The following MEX3D variants were observed in gnomAD, a reference collection of about 807,000 sequenced individuals.
MEX3D encodes the protein RNA-binding protein MEX3D.
A neutral mutation model predicts 6.3 loss-of-function variants in MEX3D; 4 were observed. The observed-to-expected ratio is 0.64, with a 90% CI of 0.31 to 1.46. The LOEUF (loss-of-function observed/expected upper bound fraction) is 1.46. Ranked by LOEUF, MEX3D falls within the 40% of genes most tolerant of loss-of-function variation. MEX3D has a pLI of 0.07. For synonymous variants in MEX3D, 626 were observed against 494.1 expected, an observed-to-expected ratio of 1.27 and a Z score of -3.54; for missense variants, 1,038 against 994.4, an observed-to-expected ratio of 1.04 and a Z score of -0.59.
rs1568262906 is a variant in MEX3D at position 1,555,387 on chromosome 19, C to CGCCTGA, written c.*170_*175dup. On this transcript the variant is annotated 3_prime_UTR_variant, in exon 2 of 2. Coordinates refer to ENST00000402693, the MANE Select transcript of MEX3D (RefSeq NM_203304.4). The stretch of plus-strand genomic sequence containing the variant: ...CCGGGCTGCGGGGTCTCCGTCTCCA[C>CGCCTGA]GCCTGAGGCGGCAGTTAAAGCTCAT... The CGCCTGA allele has an allele frequency of 1.9e-5, 31 of 1,600,202 alleles. No individual in the cohort carries two copies. The highest frequency in any genetic ancestry group is 2.6e-5 in the Non-Finnish European group (31 of 1,173,174).
At position 1,567,867 on chromosome 19, in the gene MEX3D, G is replaced by A; in HGVS notation, c.192C>T (p.Asp64=). Residue 64 remains aspartate (D), a synonymous_variant, in exon 1 of 2, where the codon GAC becomes GAT. Coordinates refer to ENST00000402693, the MANE Select transcript of MEX3D (RefSeq NM_203304.4). The surrounding 1 kb of genome is among the most constrained non-coding windows in gnomAD (Gnocchi z 6.5). Reference sequence around the variant, plus strand: ...CCCCCAGCCCGAGCGCCGACAGCTGGTCCAGCGCCAGGCGGAGCGCGGCGG... The same window carrying A: ...CCCCCAGCCCGAGCGCCGACAGCTGATCCAGCGCCAGGCGGAGCGCGGCGG... ...DAAAALRLAL[D]QLSALGLGGA... is the part of the protein sequence containing the mutation. 1 of 990,796 alleles carries A rather than the reference G, an allele frequency of 1.0e-6. No individual in the cohort carries two copies. Among genetic ancestry groups the A allele is most frequent in the Non-Finnish European group, 1.2e-6 (1 of 835,948 alleles). The allele number at this position is 990,796 out of a possible 1,614,324, so 61.4% of individuals were successfully genotyped here.
At position 1,555,818 on chromosome 19, in the gene MEX3D, G is replaced by A. The variant is rs1599321418; in HGVS notation, c.1701C>T (p.Ser567=). The A allele has an allele frequency of 4.4e-6, 6 of 1,368,364 alleles. No homozygotes were observed. Among genetic ancestry groups the A allele is most frequent in the Non-Finnish European group, 4.7e-6 (5 of 1,069,302 alleles). The allele number at this position is 1,368,364 out of a possible 1,614,324, so 84.8% of individuals were successfully genotyped here. ...AFSTATSLPS[S]PAAAACAPLD... ...GGGGGGCGCAGGCGGCGGCCGCGGG[G>A]CTGCTGGGCAGCGAGGTGGCCGTGG... Residue 567 remains serine, a synonymous_variant, in exon 2 of 2, where the codon AGC becomes AGT. Transcript: ENST00000402693.
chr19:1,554,853 C>T lies in MEX3D; in HGVS notation c.*710G>A, dbSNP rs1914464886. The T allele has an allele frequency of 6.8e-6, 1 of 147,670 alleles. No homozygotes were observed. The highest frequency in any genetic ancestry group is 2.5e-5 in the African/African-American group (1 of 39,768). The allele number at this position is 147,670 out of a possible 1,614,324, so 9.1% of individuals were successfully genotyped here. A position where few individuals can be genotyped will look rare whatever the true frequency, so the allele number is the denominator to read the frequency against. ...ATATTTTAGTTCTTAAAATTTATTCCATAAAGTACATATTTCCCTATAAAT... is the reference window on the plus strand; with the variant it reads ...ATATTTTAGTTCTTAAAATTTATTCTATAAAGTACATATTTCCCTATAAAT... On this transcript the variant is annotated 3_prime_UTR_variant, in exon 2 of 2. Transcript: ENST00000402693.
At position 1,555,181 on chromosome 19, in the gene MEX3D, C is replaced by G. The variant is rs1184520256; in HGVS notation, c.*382G>C. The G allele has an allele frequency of 1.3e-6, 1 of 757,402 alleles. No individual in the cohort carries two copies. Among genetic ancestry groups the G allele is most frequent in the African/African-American group, 1.9e-5 (1 of 53,040 alleles). 46.9% of individuals were successfully genotyped at this position (757,402 alleles called of 1,614,324 possible). On this transcript the variant is annotated 3_prime_UTR_variant, in exon 2 of 2. Coordinates refer to ENST00000402693, the MANE Select transcript of MEX3D (RefSeq NM_203304.4). ...AGTCAAATCAGAAAACGGCTTCGGA[C>G]GAAAGGAAAAAACGCTGAGCGCTGG...
chr19:1,555,344 T>A lies in MEX3D; in HGVS notation c.*219A>T, dbSNP rs756881276. The stretch of plus-strand genomic sequence containing the variant: ...TAACCTGACCACTCAATACTGTCGT[T>A]GAAGGGCTGAGGCGCCGCCGGGCTG... On this transcript the variant is annotated 3_prime_UTR_variant, in exon 2 of 2. Coordinates refer to ENST00000402693, the MANE Select transcript of MEX3D (RefSeq NM_203304.4). 18 of 1,600,454 alleles carry A rather than the reference T, an allele frequency of 1.1e-5. No individual in the cohort carries two copies. The South Asian group carries it at 1.9e-4, about 17-fold the overall frequency.
chr19:1,557,000 C>T lies in MEX3D; in HGVS notation c.596-77G>A. On this transcript the variant is annotated intron_variant, in intron 1 of 1. Transcript: ENST00000402693. The surrounding 1 kb of genome is among the most constrained non-coding windows in gnomAD (Gnocchi z 7.5). ...TCAGCCCCGCTGGGCATGCAGGCTG[C>T]AGGGCCAGTGAGGGAGCCCCTACCT... 1 of 1,496,778 alleles carries T rather than the reference C, an allele frequency of 6.7e-7. No individual in the cohort carries two copies. The highest frequency in any genetic ancestry group is 8.9e-7 in the Non-Finnish European group (1 of 1,126,340). The allele number at this position is 1,496,778 out of a possible 1,614,324, so 92.7% of individuals were successfully genotyped here. A position where few individuals can be genotyped will look rare whatever the true frequency, so the allele number is the denominator to read the frequency against.
rs374433022 is a variant in MEX3D, at chr19:1,556,517, G to A, written c.1002C>T (p.Ile334=). 1.9e-6 allele frequency: 3 copies of A among 1,605,894 alleles called. No homozygotes were observed. The highest frequency in any genetic ancestry group is 1.1e-5 in the South Asian group (1 of 90,884). Reference sequence around the variant, plus strand: ...CAGTGCGCAGCGTGATGTGCGCCTCGATCTCCTCGCGCGCGCGGTCCACGT... The same window carrying A: ...CAGTGCGCAGCGTGATGTGCGCCTCAATCTCCTCGCGCGCGCGGTCCACGT... The part of the protein sequence containing the change: ...PENVDRAREE[I]EAHITLRTGA... The change falls in exon 2 of 2, where the codon ATC becomes ATT. Residue 334 remains isoleucine, a synonymous_variant. Transcript: ENST00000402693. The surrounding 1 kb of genome is among the most constrained non-coding windows in gnomAD (Gnocchi z 7.5).
At position 1,555,334 on chromosome 19, in the gene MEX3D, ATAC is replaced by A; in HGVS notation, c.*226_*228del. The A allele has an allele frequency of 6.2e-7, 1 of 1,600,376 alleles. No homozygotes were observed. Among genetic ancestry groups the A allele is most frequent in the East Asian group, 2.3e-5 (1 of 43,476 alleles). On this transcript the variant is annotated 3_prime_UTR_variant, in exon 2 of 2. Transcript: ENST00000402693. ...CGGTTTATTGTAACCTGACCACTCA[ATAC>A]TGTCGTTGAAGGGCTGAGGCGCCGC...
At position 1,555,124 on chromosome 19, in the gene MEX3D, G is replaced by A; in HGVS notation, c.*439C>T. The A allele has an allele frequency of 2.9e-6, 1 of 340,418 alleles. No homozygotes were observed. Among genetic ancestry groups the A allele is most frequent in the Middle Eastern group, 1.1e-3 (1 of 880 alleles). 21.1% of individuals were successfully genotyped at this position (340,418 alleles called of 1,614,324 possible). On this transcript the variant is annotated 3_prime_UTR_variant, in exon 2 of 2. Transcript: ENST00000402693. ...AAATGTCACCCTCCTCCTCTGGAAC[G>A]TCTGTGCGGCCTGAGACCGGCCGGC...
chr19:1,555,877 C>T lies in MEX3D; in HGVS notation c.1642G>A (p.Gly548Ser), dbSNP rs1403043696. 6.9e-6 allele frequency: 9 copies of T among 1,302,966 alleles called. No homozygotes were observed. Among genetic ancestry groups the T allele is most frequent in the Non-Finnish European group, 7.8e-6 (8 of 1,028,710 alleles). The allele number at this position is 1,302,966 out of a possible 1,614,324, so 80.7% of individuals were successfully genotyped here. The stretch of plus-strand genomic sequence containing the variant: ...GCGCCGCCTGGGAAGGATACGGGGC[C>T]CTGCGGGGGTCGCCAGGACAGCGCG... ...VGALSWRPPQ[G>S]PVSFPGGAAF... Residue 548 changes from glycine to serine, a missense_variant, in exon 2 of 2, where the codon GGC becomes AGC. Physicochemically the swap from Gly to Ser is moderately conservative, Grantham distance 56 (BLOSUM62 0). Coordinates refer to ENST00000402693, the MANE Select transcript of MEX3D (RefSeq NM_203304.4).
Position 1,567,519 on chromosome 19 carries a change from G to T in MEX3D, c.540C>A (p.Thr180=). 6.4e-7 allele frequency: 1 copy of T among 1,569,688 alleles called. No individual in the cohort carries two copies. ...IGSRKKSVNM[T]ECVPVPSSEH... Reference sequence around the variant, plus strand: ...CGGAGCTGGGCACCGGGACGCACTCGGTCATGTTGACGCTTTTCTTGCGGC... The same window carrying T: ...CGGAGCTGGGCACCGGGACGCACTCTGTCATGTTGACGCTTTTCTTGCGGC... Residue 180 remains threonine, a synonymous_variant, in exon 1 of 2, where the codon ACC becomes ACA. Coordinates refer to ENST00000402693, the MANE Select transcript of MEX3D (RefSeq NM_203304.4). This position sits in a 1 kb window ranked among gnomAD's most constrained non-coding sequence, Gnocchi z 6.5.
intron 1 of MEX3D, among the ~76,000 whole-genome samples, chr19:1,566,018 T>C (rs1914829952): frequency 6.6e-6 from 1 of 152,224 alleles, no homozygotes; most frequent in Admixed American, 6.5e-5. Context: ...TCCCCAGGCC[T>C]CGGCTTGGAC....
Position 1,567,771 on chromosome 19 carries a change from C to T in MEX3D, c.288G>A (p.Gly96=), listed in dbSNP as rs1208638691. Residue 96 remains glycine, a synonymous_variant, in exon 1 of 2, where the codon GGG becomes GGA. Transcript: ENST00000402693. This position sits in a 1 kb window ranked among gnomAD's most constrained non-coding sequence, Gnocchi z 6.5. ...GAAAAGGADG[G]AAPEPVPPDG... is the part of the protein sequence containing the mutation. ...CGGGGGGCACAGGCTCCGGAGCCGC[C>T]CCGCCGTCCGCGCCCCCCGCCGCCG... 2 of 960,172 alleles carry T rather than the reference C, an allele frequency of 2.1e-6. No individual in the cohort carries two copies. Among genetic ancestry groups the T allele is most frequent in the Non-Finnish European group, 2.5e-6 (2 of 805,682 alleles). The allele number at this position is 960,172 out of a possible 1,614,324, so 59.5% of individuals were successfully genotyped here.
Position 1,555,691 on chromosome 19 carries a change from C to T in MEX3D, c.1828G>A (p.Ala610Thr). ...CVVCAEGEVM[A>T]ALVPCGHNLF... ...TTGTGGCCGCAGGGGACCAGCGCAGCCATCACCTCGCCCTCGGCGCACACC... is the reference window on the plus strand; with the variant it reads ...TTGTGGCCGCAGGGGACCAGCGCAGTCATCACCTCGCCCTCGGCGCACACC... The change falls in exon 2 of 2, where the codon GCT becomes ACT. Residue 610 changes from alanine to threonine, a missense_variant. Ala to Thr is a moderately conservative substitution (Grantham distance 58). This residue lies in a region of MEX3D where 581 missense variants were observed against 516.2 expected (regional missense o/e 1.13). Transcript: ENST00000402693. 1 of 1,567,356 alleles carries T rather than the reference C, an allele frequency of 6.4e-7. No homozygotes were observed. Among genetic ancestry groups the T allele is most frequent in the Non-Finnish European group, 8.6e-7 (1 of 1,161,012 alleles).
intron 1 of MEX3D, among the ~76,000 whole-genome samples, chr19:1,560,435 T>A (rs1230461826): frequency 6.6e-6 from 1 of 152,216 alleles, no homozygotes; most frequent in Non-Finnish European, 1.5e-5. Flanking sequence ...CCGCCAGCGT[T>A]GCCAGGGTGC....
Position 1,556,600 on chromosome 19 carries a change from T to C in MEX3D, c.919A>G (p.Ile307Val). ...KRIQQRTHTY[I>V]VTPGRDKEPV... The stretch of plus-strand genomic sequence containing the variant: ...TCCTTGTCGCGCCCGGGCGTCACGA[T>C]GTAGGTGTGCGTCCGCTGCTGGATG... The change falls in exon 2 of 2, where the codon ATC becomes GTC. Residue 307 changes from isoleucine to valine, a missense_variant. This residue lies in a region of MEX3D where 65 missense variants were observed against 109.3 expected (regional missense o/e 0.59). Coordinates refer to ENST00000402693, the MANE Select transcript of MEX3D (RefSeq NM_203304.4). This position sits in a 1 kb window ranked among gnomAD's most constrained non-coding sequence, Gnocchi z 7.5. 6.2e-7 allele frequency: 1 copy of C among 1,609,876 alleles called. No individual in the cohort carries two copies. The highest frequency in any genetic ancestry group is 8.5e-7 in the Non-Finnish European group (1 of 1,179,034).
rs1489493326 is a variant in MEX3D, at chr19:1,567,328, C to T, written c.595+136G>A. 117 of 1,051,384 alleles carry T rather than the reference C, an allele frequency of 1.1e-4. No individual in the cohort carries two copies. The highest frequency in any genetic ancestry group is 2.5e-6 in the Non-Finnish European group (2 of 802,166). The allele number at this position is 1,051,384 out of a possible 1,614,324, so 65.1% of individuals were successfully genotyped here. ...AGGACAAAGGCGCAAAGGCAGCGGC[C>T]GAGGCCGGAGCCCACGCGGGGCGTG... is the stretch of plus-strand genomic sequence containing the variant. On this transcript the variant is annotated intron_variant, in intron 1 of 1. Transcript: ENST00000402693. This position sits in a 1 kb window ranked among gnomAD's most constrained non-coding sequence, Gnocchi z 6.5.
intron 1 of MEX3D, among the ~76,000 whole-genome samples, chr19:1,566,062 A>G (rs1914831106): frequency 6.6e-6 from 1 of 152,200 alleles, no homozygotes; most frequent in South Asian, 2.1e-4. Flanking sequence ...CACTCCGCAC[A>G]GGGCAGCTGT....
chr19:1,559,374 C>A (rs1445783406), intron 1 of MEX3D, among the ~76,000 whole-genome samples: 1 of 152,176 alleles, frequency 6.6e-6, no homozygotes, highest in Non-Finnish European at 1.5e-5. Flanking sequence ...CTCAGGTGAT[C>A]CACCTGCCTT....
Sources: gnomAD v4.1 joint callset for allele counts (sites outside exome capture counted in the v4.1 genomes callset) on GRCh38, gnomAD v4.1.1 for gene constraint, gnomAD v4.1.1 regional missense constraint, Gnocchi (gnomAD v3.1) non-coding constraint, MANE v1.5 for transcripts, NCBI Gene and HGNC (gene_info 2026-07-23, HGNC 2026-07-21) for gene names.